PDZD8: variants seen among roughly 807,000 people sequenced by gnomAD.
PDZD8 encodes PDZ domain-containing protein 8.
Under a neutral mutation model 85.8 loss-of-function variants are expected in PDZD8, and 14 were observed. That is an observed-to-expected ratio of 0.16 (90% CI 0.11 to 0.26). The LOEUF is 0.26. PDZD8 is among the 10% of genes least tolerant of loss of function. The probability of loss-of-function intolerance (pLI) is 1.00; values close to 1 mark genes in which losing one functional copy is unlikely to be tolerated. For synonymous variants in PDZD8, 592 were observed against 568.6 expected, an observed-to-expected ratio of 1.04 and a Z score of -0.59; for missense variants, 1,197 against 1,424.3, an observed-to-expected ratio of 0.84 and a Z score of 2.57.
At chr10:117,363,046 C>T (rs1318536358) in intron 1 of PDZD8, among the ~76,000 whole-genome samples, 1 of 152,016 alleles carries the variant, frequency 6.6e-6, no homozygotes, top group Non-Finnish European at 1.5e-5. Flanking sequence ...TAATATTATA[C>T]TTAGTAATGG....
chr10:117,301,153 TAATTTTTA>T, intron 3 of PDZD8, among the ~76,000 whole-genome samples: 1 of 152,240 alleles, frequency 6.6e-6, no homozygotes, highest in South Asian at 2.1e-4. Context: ...CACACCTGGC[TAATTTTTA>T]TTTTTAGTAG....
At chr10:117,311,091 A>C (rs1410314330) in intron 3 of PDZD8, among the ~76,000 whole-genome samples, 1 of 152,220 alleles carries the variant, frequency 6.6e-6, no homozygotes, top group African/African-American at 2.4e-5. Context: ...GTAAAATTTT[A>C]GATTATACCT....
rs757079291 is a variant in PDZD8, at chr10:117,374,433, G to A, written c.795C>T (p.Pro265=). 2.5e-6 allele frequency: 4 copies of A among 1,614,248 alleles called. No individual in the cohort carries two copies. Among genetic ancestry groups the A allele is most frequent in the Non-Finnish European group, 3.4e-6 (4 of 1,180,052 alleles). ...GGTTGACGATGATGGAGGTGAGCTGGGGCATGGGCCGCCCTTCAAACTGGG... is the reference window on the plus strand; with the variant it reads ...GGTTGACGATGATGGAGGTGAGCTGAGGCATGGGCCGCCCTTCAAACTGGG... ...VRSQFEGRPM[P]QLTSIIVNQL... The change falls in exon 1 of 5, where the codon CCC becomes CCT. Residue 265 remains proline, a synonymous_variant. Transcript: ENST00000334464. The surrounding 1 kb of genome is among the most constrained non-coding windows in gnomAD (Gnocchi z 7.8).
rs777718504 is a variant in PDZD8 at position 117,374,713 on chromosome 10, C to G, written c.515G>C (p.Gly172Ala). Residue 172 changes from glycine (G) to alanine (A), a missense_variant, in exon 1 of 5, where the codon GGG (glycine) becomes GCG (alanine). Around this residue, in one of 4 missense-constraint regions of PDZD8, gnomAD observed 344 missense variants for 453.6 expected, o/e 0.76. Transcript: ENST00000334464. The surrounding 1 kb of genome is among the most constrained non-coding windows in gnomAD (Gnocchi z 7.8). ...LVRPVVPSAT[G>A]EPDGPEGEAL... ...CTCCCCTTCAGGGCCATCGGGCTCC[C>G]CGGTGGCCGAGGGCACGACTGGCCG... 2 of 1,607,652 alleles carry G rather than the reference C, an allele frequency of 1.2e-6. No individual in the cohort carries two copies. Among genetic ancestry groups the G allele is most frequent in the Non-Finnish European group, 1.7e-6 (2 of 1,177,730 alleles).
At chr10:117,292,620 G>T (rs1589997839) in intron 3 of PDZD8, among the ~76,000 whole-genome samples, 1 of 151,510 alleles carries the variant, frequency 6.6e-6, no homozygotes, top group African/African-American at 2.4e-5. Flanking sequence ...AAAGTAGAAT[G>T]GAGATTCAGG....
intron 2 of PDZD8, among the ~76,000 whole-genome samples, chr10:117,321,192 G>A (rs1054143514): frequency 2.0e-5 from 3 of 152,106 alleles, no homozygotes; most frequent in African/African-American, 7.2e-5. Flanking sequence ...GCATGCAAAT[G>A]TTCACAGCAG....
chr10:117,372,108 T>C (rs1195771726), intron 1 of PDZD8, among the ~76,000 whole-genome samples: 1 of 152,194 alleles, frequency 6.6e-6, no homozygotes, highest in Non-Finnish European at 1.5e-5. Context: ...CATTTACAGA[T>C]TGAGTGATAT....
chr10:117,298,646 C>G (rs1262096966), intron 3 of PDZD8, among the ~76,000 whole-genome samples: 1 of 152,090 alleles, frequency 6.6e-6, no homozygotes, highest in Non-Finnish European at 1.5e-5. Flanking sequence ...CCCTCTTTCT[C>G]TCCTCCTTAT....
At chr10:117,337,409 A>G (rs1354787441) in intron 2 of PDZD8, among the ~76,000 whole-genome samples, 3 of 152,208 alleles carry the variant, frequency 2.0e-5, no homozygotes, top group African/African-American at 2.4e-5. Flanking sequence ...CATCAACTCA[A>G]AAAAACATGC....
At chr10:117,299,786 T>A (rs1207121729) in intron 3 of PDZD8, among the ~76,000 whole-genome samples, 1 of 152,200 alleles carries the variant, frequency 6.6e-6, no homozygotes, top group African/African-American at 2.4e-5. Context: ...AATAGCTTAA[T>A]AATCAACCCC....
At chr10:117,368,136 T>A (rs541705740) in intron 1 of PDZD8, among the ~76,000 whole-genome samples, 42 of 152,338 alleles carry the variant, frequency 2.8e-4, no homozygotes, top group African/African-American at 1.0e-3. Flanking sequence ...TTTTATCACG[T>A]TTACTATACC....
intron 2 of PDZD8, among the ~76,000 whole-genome samples, chr10:117,322,743 G>C (rs955614173): frequency 5.3e-5 from 8 of 152,132 alleles, no homozygotes; most frequent in African/African-American, 1.9e-4. Context: ...TGGTGGAAAC[G>C]GGTGAGGCAT....
chr10:117,346,370 GATTGA>G (rs1190538640), intron 1 of PDZD8, among the ~76,000 whole-genome samples: 1 of 151,984 alleles, frequency 6.6e-6, no homozygotes, highest in Admixed American at 6.6e-5. Context: ...CCAACCACCT[GATTGA>G]ATTTCCTCCT....
At chr10:117,320,306 G>A (rs1040900495) in intron 2 of PDZD8, among the ~76,000 whole-genome samples, 24 of 152,030 alleles carry the variant, frequency 1.6e-4, no homozygotes, top group African/African-American at 4.6e-4. Context: ...TTACTATCAG[G>A]CAGACAAAAC....
In PDZD8 at chr10:117,281,448, G is replaced by T. The variant is rs1000246357; in HGVS notation, c.*1820C>A. On this transcript the variant is annotated 3_prime_UTR_variant, in exon 5 of 5. Coordinates refer to ENST00000334464, the MANE Select transcript of PDZD8 (RefSeq NM_173791.5). ...CTGAGATGTTTTTGTTATAAACTTG[G>T]CTAAGAAAGGTATTTAGTACCTGAA... 6.7e-6 allele frequency: 1 copy of T among 149,992 alleles called. No individual in the cohort carries two copies. The highest frequency in any genetic ancestry group is 2.1e-4 in the South Asian group (1 of 4,720). 9.3% of individuals were successfully genotyped at this position (149,992 alleles called of 1,614,324 possible).
intron 1 of PDZD8, among the ~76,000 whole-genome samples, chr10:117,366,121 G>T (rs139177836): frequency 6.6e-6 from 1 of 151,980 alleles, no homozygotes; most frequent in Non-Finnish European, 1.5e-5. Context: ...TTTTAGAAAC[G>T]CCTGAGCCAT....
chr10:117,330,426 G>T (rs1225404176), intron 2 of PDZD8, among the ~76,000 whole-genome samples: 1 of 152,146 alleles, frequency 6.6e-6, no homozygotes, highest in Non-Finnish European at 1.5e-5. Context: ...TCCAGTCCTG[G>T]AAGGTAACTG....
At chr10:117,368,875 T>TTTTTTG (rs371033081) in intron 1 of PDZD8, among the ~76,000 whole-genome samples, 3 of 111,756 alleles carry the variant, frequency 2.7e-5, no homozygotes, top group Non-Finnish European at 5.5e-5. Context: ...TTTTTTTTTT[T>TTTTTTG]GAGACAGTCT....
In PDZD8 at chr10:117,285,084, T is replaced by G. The variant is rs760206941; in HGVS notation, c.1649A>C (p.His550Pro). 2.5e-6 allele frequency: 4 copies of G among 1,613,880 alleles called. No individual in the cohort carries two copies. The African/African-American group carries it at 4.0e-5, about 16-fold the overall frequency. Residue 550 changes from histidine to proline, a missense_variant, in exon 5 of 5, where the codon CAC becomes CCC. By Grantham distance (77) the His-to-Pro change is moderately conservative (BLOSUM62 -2). This residue lies in a region of PDZD8 where 263 missense variants were observed against 261.9 expected (regional missense o/e 1.00). Transcript: ENST00000334464. The stretch of plus-strand genomic sequence containing the variant: ...GGACTGAATTTTCGGTGGTAGTGGG[T>G]GACTTCCTACAGCTAATTTACGGTT... Reference protein sequence around the residue: ...VLNRKLAVGSHPLPPKIQSKD... With the variant: ...VLNRKLAVGSPPLPPKIQSKD...
Sources: gnomAD v4.1 joint callset for allele counts (sites outside exome capture counted in the v4.1 genomes callset) on GRCh38, gnomAD v4.1.1 for gene constraint, gnomAD v4.1.1 regional missense constraint, Gnocchi (gnomAD v3.1) non-coding constraint, MANE v1.5 for transcripts, NCBI Gene and HGNC (gene_info 2026-07-23, HGNC 2026-07-21) for gene names.